Variants in REDIC1 observed in about 807,000 individuals in gnomAD.
REDIC1 encodes the protein regulator of DNA class I crossover intermediates 1.
chr12:39,891,183 CACCA>C, the REDIC1 span, among the ~76,000 whole-genome samples: 4 of 149,774 alleles, frequency 2.7e-5, no homozygotes, highest in Non-Finnish European at 4.4e-5. Flanking sequence ...GGGAAACCTT[CACCA>C]GCTCTGCCCC....
At chr12:39,759,953 G>A in the REDIC1 span, 1 of 1,098,334 alleles carries the variant, frequency 9.1e-7, no homozygotes, top group East Asian at 2.4e-5. Context: ...TAGAAGCAGG[G>A]CAGTGAAGTC....
chr12:39,845,319 T>C, the REDIC1 span, among the ~76,000 whole-genome samples: 1 of 152,126 alleles, frequency 6.6e-6, no homozygotes, highest in Non-Finnish European at 1.5e-5. Context: ...CTGTATCTGT[T>C]ACCCAAGTAT....
the REDIC1 span, among the ~76,000 whole-genome samples, chr12:39,744,746 G>T: frequency 9.7e-4 from 147 of 152,158 alleles, 2 homozygotes; most frequent in African/African-American, 3.3e-3. Flanking sequence ...AACATAAAAT[G>T]CTCAGTTAAA....
At chr12:39,727,124 A>C in the REDIC1 span, among the ~76,000 whole-genome samples, 4 of 149,316 alleles carry the variant, frequency 2.7e-5, no homozygotes, top group African/African-American at 9.8e-5. Flanking sequence ...TTGCCTGTTC[A>C]CTCTTGCTGT....
the REDIC1 span, chr12:39,721,123 G>T: frequency 6.2e-7 from 1 of 1,613,564 alleles, no homozygotes; most frequent in Non-Finnish European, 8.5e-7. Context: ...ATTAGATGTT[G>T]CCATACAGTG....
the REDIC1 span, among the ~76,000 whole-genome samples, chr12:39,744,017 T>C: frequency 5.3e-5 from 8 of 151,416 alleles, no homozygotes; most frequent in Admixed American, 3.9e-4. Flanking sequence ...ACAACAACAA[T>C]AAACCCCTCA....
At chr12:39,839,092 A>C in the REDIC1 span, among the ~76,000 whole-genome samples, 1 of 151,954 alleles carries the variant, frequency 6.6e-6, no homozygotes, top group South Asian at 2.1e-4. Flanking sequence ...CTTTCCCCTA[A>C]CAGCTATTCC....
chr12:39,901,116 G>T, the REDIC1 span, among the ~76,000 whole-genome samples: 85 of 152,152 alleles, frequency 5.6e-4, no homozygotes, highest in African/African-American at 1.9e-3. Flanking sequence ...TAAATGGTGT[G>T]GGGAAAACTG....
the REDIC1 span, among the ~76,000 whole-genome samples, chr12:39,697,310 A>G: frequency 6.6e-6 from 1 of 152,216 alleles, no homozygotes; most frequent in Admixed American, 6.5e-5. Context: ...TTCCTAGACA[A>G]ACAAAAGCTG....
At chr12:39,668,507 C>T in the REDIC1 span, among the ~76,000 whole-genome samples, 5 of 152,126 alleles carry the variant, frequency 3.3e-5, no homozygotes, top group African/African-American at 7.2e-5. Context: ...ACATTTTTTC[C>T]TTCATTTCAA....
At chr12:39,842,214 G>A in the REDIC1 span, among the ~76,000 whole-genome samples, 1 of 152,036 alleles carries the variant, frequency 6.6e-6, no homozygotes, top group African/African-American at 2.4e-5. Flanking sequence ...AAAACTAAAA[G>A]TAGAAGACCA....
chr12:39,810,789 T>A, the REDIC1 span, among the ~76,000 whole-genome samples: 1 of 152,130 alleles, frequency 6.6e-6, no homozygotes, highest in South Asian at 2.1e-4. Flanking sequence ...TGAATACAGA[T>A]GTTAAATCAA....
the REDIC1 span, among the ~76,000 whole-genome samples, chr12:39,668,697 A>C: frequency 6.6e-6 from 1 of 152,182 alleles, no homozygotes; most frequent in Non-Finnish European, 1.5e-5. Flanking sequence ...TACACCAATC[A>C]GACATAGATT....
At chr12:39,752,338 T>C in the REDIC1 span, among the ~76,000 whole-genome samples, 1 of 152,072 alleles carries the variant, frequency 6.6e-6, no homozygotes, top group Non-Finnish European at 1.5e-5. Flanking sequence ...GCAAGGGATC[T>C]AGGTTGTGCA....
At chr12:39,814,831 A>G in the REDIC1 span, among the ~76,000 whole-genome samples, 2 of 152,214 alleles carry the variant, frequency 1.3e-5, no homozygotes, top group East Asian at 3.8e-4. Context: ...CACAATATGC[A>G]TTATCACAAT....
At chr12:39,696,542 CAAAAAAAAAAAAAAAAAA>C in the REDIC1 span, among the ~76,000 whole-genome samples, 205 of 11,054 alleles carry the variant, frequency 0.019, 1 homozygote, top group South Asian at 0.21. Context: ...GACTCTGTCT[CAAAAAAAAAAAAAAAAAA>C]AAAAAAAAAA....
the REDIC1 span, chr12:39,647,654 G>C: frequency 2.1e-3 from 1,147 of 550,036 alleles, 11 homozygotes; most frequent in African/African-American, 0.021. Context: ...GTCAATTACT[G>C]ATGGGTTGCC....
the REDIC1 span, among the ~76,000 whole-genome samples, chr12:39,664,677 T>C: frequency 6.6e-6 from 1 of 152,230 alleles, no homozygotes; most frequent in South Asian, 2.1e-4. Context: ...GTTGAACTAG[T>C]TTACAGTCCC....
At chr12:39,750,172 T>C in the REDIC1 span, among the ~76,000 whole-genome samples, 2 of 152,188 alleles carry the variant, frequency 1.3e-5, no homozygotes, top group Non-Finnish European at 1.5e-5. Flanking sequence ...GAAAAACCCA[T>C]TGTCTCAGCC....
Sources: gnomAD v4.1 joint callset for allele counts (sites outside exome capture counted in the v4.1 genomes callset) on GRCh38, gnomAD v4.1.1 for gene constraint, MANE v1.5 for transcripts, NCBI Gene and HGNC (gene_info 2026-07-23, HGNC 2026-07-21) for gene names.